TECTA: variants seen among roughly 807,000 people sequenced by gnomAD.
TECTA encodes tectorin alpha, also known as alpha-tectorin.
Under a neutral mutation model 216.8 loss-of-function variants are expected in TECTA, and 128 were observed. The observed-to-expected ratio is 0.59, with a 90% CI of 0.51 to 0.68. The LOEUF (loss-of-function observed/expected upper bound fraction) is 0.68, where lower values mean the gene tolerates loss of function less well. TECTA is among the 30% of genes least tolerant of loss of function. The pLI, the probability that TECTA is intolerant of heterozygous loss-of-function variation, is 0.00. For synonymous variants in TECTA, 1,089 were observed against 1,117.1 expected (o/e 0.97, Z 0.50); for missense variants, 2,551 against 2,786.2 (o/e 0.92, Z 1.90).
chr11:121,153,071 A>C lies in TECTA; in HGVS notation c.4296A>C (p.Lys1432Asn). 1 of 1,613,748 alleles carries C rather than the reference A, an allele frequency of 6.2e-7. No individual in the cohort carries two copies. The highest frequency in any genetic ancestry group is 8.5e-7 in the Non-Finnish European group (1 of 1,179,866). The change falls in exon 13 of 24, where the codon AAA (lysine) becomes AAC (asparagine). Residue 1432 changes from lysine (K) to asparagine (N), a missense_variant. Physicochemically the swap from Lys to Asn is moderately conservative, Grantham distance 94. This residue lies in a region of TECTA where 2,375 missense variants were observed against 2,563.9 expected (regional missense o/e 0.93). Coordinates refer to ENST00000392793, the MANE Select transcript of TECTA (RefSeq NM_005422.4). Reference protein sequence around the residue: ...PHSCGCYSDGKYYEPKQLFWN... With the variant: ...PHSCGCYSDGNYYEPKQLFWN... Reference sequence around the variant, plus strand: ...GCTGCGGCTGCTACTCCGATGGCAAATATTACGAGGTATGGGAGGCCAGCC... The same window carrying C: ...GCTGCGGCTGCTACTCCGATGGCAACTATTACGAGGTATGGGAGGCCAGCC...
At chr11:121,165,231 G>A (rs375763390) in intron 16 of TECTA, 42 bp from the exon 17 acceptor site, 9 of 1,549,472 alleles carry the variant, frequency 5.8e-6, no homozygotes, top group Non-Finnish European at 7.9e-6. Flanking sequence ...ATGTAGGTGT[G>A]AAAATGAAGT....
intron 20 of TECTA, among the ~76,000 whole-genome samples, chr11:121,179,800 T>C (rs570895752): frequency 3.9e-5 from 6 of 152,292 alleles, no homozygotes; most frequent in African/African-American, 1.4e-4. Context: ...TTACAGCCTT[T>C]GACTTAAAGT....
intron 3 of TECTA, among the ~76,000 whole-genome samples, chr11:121,109,002 A>C (rs1184191686): frequency 6.6e-6 from 1 of 152,250 alleles, no homozygotes; most frequent in Non-Finnish European, 1.5e-5. Flanking sequence ...AGCTGGTTAC[A>C]AATCTAATGT....
chr11:121,104,248 A>ATT (rs35008214), intron 2 of TECTA, among the ~76,000 whole-genome samples: 41 of 152,100 alleles, frequency 2.7e-4, no homozygotes, highest in African/African-American at 9.6e-4. Context: ...GATTATAAAG[A>ATT]TTTTTTTTAA....
In TECTA at chr11:121,125,365, A is replaced by G. The variant is rs1296433768; in HGVS notation, c.1267A>G (p.Ser423Gly). 5.0e-6 allele frequency: 8 copies of G among 1,614,208 alleles called. No homozygotes were observed. The highest frequency in any genetic ancestry group is 6.8e-6 in the Non-Finnish European group (8 of 1,180,056). Residue 423 changes from serine (S) to glycine (G), a missense_variant, in exon 8 of 24, where the codon AGT (serine) becomes GGT (glycine). By Grantham distance (56) the Ser-to-Gly change is moderately conservative. This residue lies in a region of TECTA where 2,375 missense variants were observed against 2,563.9 expected (regional missense o/e 0.93). Coordinates refer to ENST00000392793, the MANE Select transcript of TECTA (RefSeq NM_005422.4). ...CTTGGGGACAGTGAAAATCTACCAGAGTGGCATATCTACTGCCGTGGAAAC... is the reference window on the plus strand; with the variant it reads ...CTTGGGGACAGTGAAAATCTACCAGGGTGGCATATCTACTGCCGTGGAAAC... ...LDLGTVKIYQ[S>G]GISTAVETDF...
chr11:121,121,441 T>C (rs1314599198), intron 7 of TECTA, among the ~76,000 whole-genome samples: 1 of 152,122 alleles, frequency 6.6e-6, no homozygotes, highest in East Asian at 1.9e-4. Context: ...TAACCATAGG[T>C]TGAGGACAGG....
chr11:121,150,107 T>A (rs947884305), intron 12 of TECTA, among the ~76,000 whole-genome samples: 1 of 152,108 alleles, frequency 6.6e-6, no homozygotes, highest in Admixed American at 6.5e-5. Context: ...ATGAACAAGT[T>A]AAACAAATAA....
chr11:121,179,034 C>A (rs1407843454), intron 20 of TECTA, among the ~76,000 whole-genome samples: 8 of 152,164 alleles, frequency 5.3e-5, no homozygotes, highest in South Asian at 2.1e-4. Context: ...TTTTAAAAAA[C>A]CAAATTTACA....
chr11:121,127,612 C>T lies in TECTA; in HGVS notation c.1775-140C>T, dbSNP rs1238385675. 2 of 915,386 alleles carry T rather than the reference C, an allele frequency of 2.2e-6. No individual in the cohort carries two copies. The highest frequency in any genetic ancestry group is 3.5e-6 in the Non-Finnish European group (2 of 568,340). The allele number at this position is 915,386 out of a possible 1,614,324, so 56.7% of individuals were successfully genotyped here. On this transcript the variant is annotated intron_variant, in intron 8 of 23. Transcript: ENST00000392793. The surrounding 1 kb of genome is among the most constrained non-coding windows in gnomAD (Gnocchi z 5.0). ...TTGAGCTGGGTTTTACAGATACAACCTCAATTCTGTCTTCCCCGAGTGGCC... is the reference window on the plus strand; with the variant it reads ...TTGAGCTGGGTTTTACAGATACAACTTCAATTCTGTCTTCCCCGAGTGGCC...
At chr11:121,165,921 C>A (rs908931112) in intron 17 of TECTA, among the ~76,000 whole-genome samples, 2 of 152,228 alleles carry the variant, frequency 1.3e-5, no homozygotes, top group African/African-American at 4.8e-5. Context: ...CTCTGCTCCC[C>A]TTCCTGAACC....
intron 12 of TECTA, 135 bp from the exon 13 acceptor site, chr11:121,152,746 G>T (rs1452765315): frequency 5.7e-6 from 5 of 876,152 alleles, no homozygotes; most frequent in East Asian, 2.6e-5. Flanking sequence ...CAGTAATGAA[G>T]AAAGGCGGCA....
rs1947304382 is a variant in TECTA, at chr11:121,188,000, TGAGA to T, written c.6162+8_6162+11del. 1 of 1,614,016 alleles carries T rather than the reference TGAGA, an allele frequency of 6.2e-7. No individual in the cohort carries two copies. Among genetic ancestry groups the T allele is most frequent in the Admixed American group, 1.7e-5 (1 of 60,014 alleles). On this transcript the variant is annotated splice_region_variant and intron_variant, in intron 21 of 23. Coordinates refer to ENST00000392793, the MANE Select transcript of TECTA (RefSeq NM_005422.4). ...AAAAGTACTCCTGTAAAATCGTAAG[TGAGA>T]GTGTGAAAACAAAGTGCTTAGCCTT...
In TECTA at chr11:121,160,293, CAA is replaced by C. The variant is rs747963702; in HGVS notation, c.4850_4851del (p.Lys1617SerfsTer15). 1 of 1,614,200 alleles carries C rather than the reference CAA, an allele frequency of 6.2e-7. No homozygotes were observed. Among genetic ancestry groups the C allele is most frequent in the Non-Finnish European group, 8.5e-7 (1 of 1,180,038 alleles). On this transcript the variant is annotated frameshift_variant, in exon 15 of 24. Coordinates refer to ENST00000392793, the MANE Select transcript of TECTA (RefSeq NM_005422.4). LOFTEE classifies it high-confidence loss of function. Reference protein sequence around the residue: ...KISISERLQNKVCGLCGNFNG... With the variant: ...KISISERLQNXVCGLCGNFNG... ...TCAGCATCAGCGAGAGGCTGCAGAA[CAA>C]AGTGTGCGGTCTCTGTGGCAACTTC... is the stretch of plus-strand genomic sequence containing the variant.
intron 10 of TECTA, among the ~76,000 whole-genome samples, chr11:121,133,872 C>T (rs893006307): frequency 6.6e-6 from 1 of 152,192 alleles, no homozygotes; most frequent in Non-Finnish European, 1.5e-5. Flanking sequence ...AACTAATAAG[C>T]AACCCATGGG....
chr11:121,174,592 C>T (rs1947146210), intron 20 of TECTA, among the ~76,000 whole-genome samples: 1 of 152,126 alleles, frequency 6.6e-6, no homozygotes, highest in East Asian at 1.9e-4. Flanking sequence ...ATTTGGTTTG[C>T]CAGTATTTTA....
chr11:121,162,396 A>G lies in TECTA; in HGVS notation c.5272+26A>G, dbSNP rs662496. 591,597 of 1,605,336 alleles carry G rather than the reference A, an allele frequency of 0.37. 117,947 individuals carry two copies. Among genetic ancestry groups the G allele is most frequent in the African/African-American group, 0.79 (59,355 of 74,976 alleles). On this transcript the variant is annotated intron_variant, in intron 16 of 23. Transcript: ENST00000392793. ...GTAAGAGAATTATTTTATTTCTGTG[A>G]ATTCCATTTTCAGTGAAAAGAACAG...
At chr11:121,111,513 C>T (rs751743748) in intron 4 of TECTA, among the ~76,000 whole-genome samples, 3 of 152,078 alleles carry the variant, frequency 2.0e-5, no homozygotes, top group Non-Finnish European at 4.4e-5. Context: ...GAGGTGCGTG[C>T]GGGTGGCAGT....
chr11:121,166,519 C>T, intron 17 of TECTA, 59 bp from the exon 18 acceptor site: 1 of 1,576,120 alleles, frequency 6.3e-7, no homozygotes, highest in South Asian at 1.1e-5. Flanking sequence ...TGCTTTGCTC[C>T]CACTCCTGCA....
intron 22 of TECTA, among the ~76,000 whole-genome samples, chr11:121,189,375 C>CTTT (rs11459448): frequency 1.4e-5 from 2 of 146,768 alleles, no homozygotes; most frequent in Admixed American, 6.8e-5. Context: ...TTGTCCTCCT[C>CTTT]TTTTTTTTTT....
Sources: allele counts gnomAD v4.1 joint callset (sites outside exome capture counted in the v4.1 genomes callset), GRCh38; gene constraint gnomAD v4.1.1; regional missense constraint gnomAD v4.1.1; non-coding constraint Gnocchi (gnomAD v3.1); transcripts MANE v1.5; gene names NCBI Gene and HGNC (gene_info 2026-07-23, HGNC 2026-07-21).